Variants in SLC38A4 observed in about 807,000 individuals in gnomAD.
The protein encoded by SLC38A4 is sodium-coupled neutral amino acid transporter 4.
In SLC38A4, 20 loss-of-function variants were observed where a neutral mutation model predicts 63.1. That is an observed-to-expected ratio of 0.32 (90% confidence interval 0.22 to 0.46). The LOEUF is 0.46. Ranked by LOEUF, SLC38A4 falls within the 20% of genes least tolerant of loss-of-function variation. The probability of loss-of-function intolerance (pLI) is 1.00; values close to 1 mark genes in which losing one functional copy is unlikely to be tolerated. For synonymous variants in SLC38A4, 230 were observed against 225.5 expected (o/e 1.02, Z -0.18); for missense variants, 526 against 663.6 (o/e 0.79, Z 2.28).
chr12:46,793,276 G>T, intron 2 of SLC38A4, 93 bp from the exon 3 acceptor site: 1 of 357,716 alleles, frequency 2.8e-6, no homozygotes, highest in Non-Finnish European at 5.1e-6. Flanking sequence ...CTCTGTAAAA[G>T]GGAGGAAGGA....
chr12:46,778,867 G>A, intron 10 of SLC38A4, 91 bp from the exon 11 acceptor site: 1 of 1,193,986 alleles, frequency 8.4e-7, no homozygotes. Flanking sequence ...ATAGGGTGGG[G>A]GGTGAGGGAA....
At chr12:46,793,795 C>T (rs938840423) in intron 2 of SLC38A4, among the ~76,000 whole-genome samples, 1 of 152,110 alleles carries the variant, frequency 6.6e-6, no homozygotes, top group Non-Finnish European at 1.5e-5. Context: ...TCTGGGTCAG[C>T]ATTACTCATC....
At chr12:46,791,313 G>C (rs781330735) in intron 3 of SLC38A4, among the ~76,000 whole-genome samples, 1 of 152,184 alleles carries the variant, frequency 6.6e-6, no homozygotes, top group African/African-American at 2.4e-5. Flanking sequence ...AGGACAAACA[G>C]CTTCTCTAAA....
At position 46,768,355 on chromosome 12, in the gene SLC38A4, A is replaced by G; in HGVS notation, c.1497T>C (p.Leu499=). ...LIFILPAVFY[L]KLVKKETFRS... is the part of the protein sequence containing the mutation. ...TAAAAGTTTCTTTCTTGACAAGTTT[A>G]AGATAAAAAACTGCTGGAAGAATAA... is the stretch of plus-strand genomic sequence containing the variant. The change falls in exon 16 of 17, where the codon CTT becomes CTC. Residue 499 remains leucine (L), a synonymous_variant. Coordinates refer to ENST00000266579, the MANE Select transcript of SLC38A4 (RefSeq NM_018018.5). The G allele has an allele frequency of 6.2e-7, 1 of 1,611,690 alleles. No homozygotes were observed. The highest frequency in any genetic ancestry group is 1.1e-5 in the South Asian group (1 of 90,910).
At chr12:46,794,098 A>G (rs1006769195) in intron 2 of SLC38A4, among the ~76,000 whole-genome samples, 3 of 152,184 alleles carry the variant, frequency 2.0e-5, no homozygotes, top group Admixed American at 1.3e-4. Context: ...TGTGGTCATG[A>G]CATGTGCAAT....
At chr12:46,775,877 T>C (rs1444303977) in intron 13 of SLC38A4, among the ~76,000 whole-genome samples, 1 of 152,022 alleles carries the variant, frequency 6.6e-6, no homozygotes, top group African/African-American at 2.4e-5. Flanking sequence ...TCAAGCGTAG[T>C]TGGATTTTCA....
intron 1 of SLC38A4, among the ~76,000 whole-genome samples, chr12:46,821,542 A>G (rs1939551024): frequency 6.6e-6 from 1 of 151,938 alleles, no homozygotes; most frequent in Non-Finnish European, 1.5e-5. Context: ...CCAATACCAT[A>G]CAGCTTTTGT....
chr12:46,780,098 C>A lies in SLC38A4; in HGVS notation c.494-68G>T, dbSNP rs533412789. ...GAAGTCACATGCAAGCAAGTTATGA[C>A]ATTTGGGATATGTAAGATGAACATC... On this transcript the variant is annotated intron_variant, in intron 7 of 16. Transcript: ENST00000266579. The A allele has an allele frequency of 2.6e-5, 31 of 1,201,328 alleles. No individual in the cohort carries two copies. In the East Asian group the frequency reaches 7.0e-4, roughly 27 times the overall value. 74.4% of individuals were successfully genotyped at this position (1,201,328 alleles called of 1,614,324 possible).
At chr12:46,824,480 C>T (rs906398118) in intron 1 of SLC38A4, 3 of 152,182 alleles carry the variant, frequency 2.0e-5, no homozygotes, top group East Asian at 1.9e-4. Flanking sequence ...CCTCCTTAAT[C>T]CCACTGAAGT....
At chr12:46,775,250 A>C in intron 13 of SLC38A4, 77 bp from the exon 14 acceptor site, 1 of 1,533,472 alleles carries the variant, frequency 6.5e-7, no homozygotes, top group Non-Finnish European at 8.8e-7. Context: ...CATTTTATAG[A>C]GAGAACACAG....
At chr12:46,778,399 G>C in intron 11 of SLC38A4, 31 bp from the exon 12 acceptor site, 2 of 1,611,808 alleles carry the variant, frequency 1.2e-6, no homozygotes, top group Non-Finnish European at 1.7e-6. Flanking sequence ...CACGTGTTTA[G>C]CATTCCAACA....
At chr12:46,769,169 A>C in intron 15 of SLC38A4, 115 bp downstream of exon 15, 1 of 1,159,456 alleles carries the variant, frequency 8.6e-7, no homozygotes, top group East Asian at 2.4e-5. Context: ...GGATAAAGGG[A>C]ATCCATGAGC....
At chr12:46,830,177 T>C (rs1358974438), upstream of SLC38A4, among the ~76,000 whole-genome samples, 1 of 152,210 alleles carries the variant, frequency 6.6e-6, no homozygotes, top group African/African-American at 2.4e-5. Flanking sequence ...GACACTGGTA[T>C]TCAGAAATAT....
intron 7 of SLC38A4, among the ~76,000 whole-genome samples, chr12:46,780,774 G>T (rs985045108): frequency 6.6e-6 from 1 of 151,864 alleles, no homozygotes; most frequent in Non-Finnish European, 1.5e-5. Context: ...AAATGAATAT[G>T]TATTCATATA....
intron 1 of SLC38A4, among the ~76,000 whole-genome samples, chr12:46,809,923 G>A (rs1939306172): frequency 6.6e-6 from 1 of 151,872 alleles, no homozygotes; most frequent in Non-Finnish European, 1.5e-5. Flanking sequence ...TGCATAATAG[G>A]TACTATATAA....
intron 1 of SLC38A4, among the ~76,000 whole-genome samples, chr12:46,809,911 C>T (rs966867348): frequency 2.0e-5 from 3 of 151,974 alleles, no homozygotes; most frequent in Middle Eastern, 3.4e-3. Context: ...GACTATGCCT[C>T]GTGCATAATA....
At chr12:46,830,144 T>G (rs1170157246), upstream of SLC38A4, among the ~76,000 whole-genome samples, 2 of 152,220 alleles carry the variant, frequency 1.3e-5, no homozygotes, top group Non-Finnish European at 2.9e-5. Context: ...AAAATCAGCC[T>G]GATAAAAAGT....
chr12:46,793,417 C>A (rs555600690), intron 2 of SLC38A4, among the ~76,000 whole-genome samples: 4 of 151,734 alleles, frequency 2.6e-5, no homozygotes, highest in African/African-American at 9.7e-5. Flanking sequence ...TATAGAGTGC[C>A]TATGTATAAT....
At chr12:46,803,378 T>C (rs1350840941) in intron 2 of SLC38A4, among the ~76,000 whole-genome samples, 2 of 152,080 alleles carry the variant, frequency 1.3e-5, no homozygotes, top group Non-Finnish European at 2.9e-5. Context: ...AATTTTATGT[T>C]AAACCTAAAA....
Sources: allele counts gnomAD v4.1 joint callset (sites outside exome capture counted in the v4.1 genomes callset), GRCh38; gene constraint gnomAD v4.1.1; transcripts MANE v1.5; gene names NCBI Gene and HGNC (gene_info 2026-07-23, HGNC 2026-07-21).